Variants in PHC3 observed in about 807,000 individuals in gnomAD.
PHC3 encodes polyhomeotic homolog 3.
In PHC3, 13 loss-of-function variants were observed where a neutral mutation model predicts 107.4. That is an observed-to-expected ratio of 0.12 (90% CI 0.08 to 0.19). The LOEUF (loss-of-function observed/expected upper bound fraction) is 0.19, where lower values mean the gene tolerates loss of function less well. Among genes scored for constraint, PHC3 ranks in the 10% least tolerant of loss-of-function variants. The pLI is 1.00. For missense variants in PHC3, 992 were observed against 1,210.9 expected (o/e 0.82, Z 2.68); for synonymous variants, 456 against 427.4 (o/e 1.07, Z -0.83).
chr3:170,117,076 TA>T, intron 10 of PHC3, 149 bp downstream of exon 10: 1 of 984,316 alleles, frequency 1.0e-6, no homozygotes, highest in Non-Finnish European at 1.5e-6. Flanking sequence ...CATTTGGAAA[TA>T]AAGGAAGTAG....
In PHC3 at chr3:170,136,526, T is replaced by G; in HGVS notation, c.812A>C (p.Gln271Pro). The G allele has an allele frequency of 1.9e-6, 3 of 1,610,106 alleles. No homozygotes were observed. Among genetic ancestry groups the G allele is most frequent in the South Asian group, 1.1e-5 (1 of 90,218 alleles). The change falls in exon 7 of 15, where the codon CAA (glutamine) becomes CCA (proline). Residue 271 changes from glutamine to proline, a missense_variant. Around this residue, in one of 6 missense-constraint regions of PHC3, gnomAD observed 543 missense variants for 590.8 expected, o/e 0.92. Transcript: ENST00000495893. ...ATTACTTTCTGGAGAAGGATCTCGT[T>G]GGCTGATTTTAGAACTGGTCACTGT... is the stretch of plus-strand genomic sequence containing the variant. ...KTTVTSSKIS[Q>P]RDPSPESNKK...
chr3:170,110,696 A>G (rs1174363090), intron 11 of PHC3, among the ~76,000 whole-genome samples: 1 of 152,120 alleles, frequency 6.6e-6, no homozygotes, highest in Admixed American at 6.6e-5. Context: ...TTACTTCTTT[A>G]TGTATGTAAA....
chr3:170,123,251 CAAA>C (rs1417116662), intron 8 of PHC3, among the ~76,000 whole-genome samples: 1 of 151,688 alleles, frequency 6.6e-6, no homozygotes, highest in African/African-American at 2.4e-5. Flanking sequence ...TGAGAATCTA[CAAA>C]AAAAGATACG....
intron 1 of PHC3, among the ~76,000 whole-genome samples, chr3:170,179,444 T>C (rs1731041480): frequency 6.6e-6 from 1 of 152,202 alleles, no homozygotes; most frequent in African/African-American, 2.4e-5. Context: ...AAATAAGTTC[T>C]TTTTAAAAAA....
At chr3:170,123,924 G>A (rs1435280233) in intron 8 of PHC3, among the ~76,000 whole-genome samples, 1 of 151,470 alleles carries the variant, frequency 6.6e-6, no homozygotes, top group Non-Finnish European at 1.5e-5. Context: ...TCAGCTCACT[G>A]CAATCTCTGC....
At chr3:170,163,403 T>C (rs368535161) in intron 4 of PHC3, among the ~76,000 whole-genome samples, 4 of 151,970 alleles carry the variant, frequency 2.6e-5, no homozygotes, top group South Asian at 2.1e-4. Context: ...AGACTTATGA[T>C]TGTAGTTTTC....
intron 4 of PHC3, among the ~76,000 whole-genome samples, chr3:170,157,987 T>C (rs1314643727): frequency 6.6e-6 from 1 of 151,972 alleles, no homozygotes; most frequent in African/African-American, 2.4e-5. Flanking sequence ...GAACATTATA[T>C]ACTCATTAAA....
At chr3:170,169,891 T>C (rs1729325186) in intron 4 of PHC3, 1 of 152,234 alleles carries the variant, frequency 6.6e-6, no homozygotes, top group Non-Finnish European at 1.5e-5. Context: ...ATTACCATTG[T>C]ATTAAAGACA....
chr3:170,111,576 C>A (rs1380552087), intron 11 of PHC3, among the ~76,000 whole-genome samples: 1 of 152,094 alleles, frequency 6.6e-6, no homozygotes, highest in Non-Finnish European at 1.5e-5. Context: ...GTCTGGGTGA[C>A]TGGGGATTTA....
intron 11 of PHC3, among the ~76,000 whole-genome samples, chr3:170,109,710 T>C (rs910371024): frequency 6.6e-6 from 1 of 152,112 alleles, no homozygotes; most frequent in African/African-American, 2.4e-5. Context: ...TGTGAAGATA[T>C]ACCAAGGAAG....
chr3:170,179,074 T>G, intron 1 of PHC3, 136 bp from the exon 2 acceptor site: 2 of 788,198 alleles, frequency 2.5e-6, no homozygotes, highest in South Asian at 1.7e-5. Context: ...CAACACACAG[T>G]CACTATAAGC....
intron 5 of PHC3, chr3:170,147,657 C>A (rs1368412150): frequency 6.6e-6 from 1 of 152,092 alleles, no homozygotes; most frequent in African/African-American, 2.4e-5. Flanking sequence ...GGAGGATATA[C>A]ATAGGTTATA....
At chr3:170,102,342 A>G in intron 14 of PHC3, 137 bp downstream of exon 14, 1 of 1,454,860 alleles carries the variant, frequency 6.9e-7, no homozygotes, top group Non-Finnish European at 9.0e-7. Flanking sequence ...ATCATATTTC[A>G]ATAACAAATG....
rs562797616 is a variant in PHC3, at chr3:170,137,837, T to G, written c.673-1172A>C. 3.3e-5 allele frequency among the ~76,000 whole-genome samples: 5 copies of G among 151,890 alleles called. No homozygotes were observed. The East Asian group carries it at 9.7e-4, about 29-fold the overall frequency. On this transcript the variant is annotated intron_variant, in intron 6 of 14. Transcript: ENST00000495893. ...TCACTTGAACCCAGGAGGCAAAGGG[T>G]GCAGTGAGCCAGATGGCACCACTGC...
At chr3:170,155,024 A>G (rs537449871) in intron 4 of PHC3, among the ~76,000 whole-genome samples, 6 of 152,056 alleles carry the variant, frequency 3.9e-5, no homozygotes, top group Admixed American at 3.9e-4. Context: ...CTCAAGTCAC[A>G]CTCCACAAAG....
chr3:170,104,686 A>G (rs1318761194), intron 12 of PHC3, among the ~76,000 whole-genome samples: 3 of 152,210 alleles, frequency 2.0e-5, no homozygotes, highest in Admixed American at 6.5e-5. Context: ...CCTCACCTAC[A>G]TTTTATAAAG....
intron 6 of PHC3, among the ~76,000 whole-genome samples, chr3:170,144,901 C>T (rs959071672): frequency 6.6e-6 from 1 of 152,152 alleles, no homozygotes; most frequent in African/African-American, 2.4e-5. Flanking sequence ...AAGACCGGGT[C>T]TTACTATTTT....
intron 4 of PHC3, chr3:170,170,548 A>G (rs2108745860): frequency 6.6e-6 from 1 of 152,160 alleles, no homozygotes; most frequent in African/African-American, 2.4e-5. Context: ...TGAATTTAGT[A>G]ATTTTTCTGT....
intron 5 of PHC3, among the ~76,000 whole-genome samples, chr3:170,146,761 G>C (rs1344389274): frequency 1.3e-5 from 2 of 151,194 alleles, no homozygotes; most frequent in African/African-American, 4.9e-5. Context: ...TCGAACTCCT[G>C]ACCTCAAGTG....
Sources: allele counts gnomAD v4.1 joint callset (sites outside exome capture counted in the v4.1 genomes callset), GRCh38; gene constraint gnomAD v4.1.1; regional missense constraint gnomAD v4.1.1; transcripts MANE v1.5; gene names NCBI Gene and HGNC (gene_info 2026-07-23, HGNC 2026-07-21).